Variants in BRCA2 observed in about 807,000 individuals in gnomAD.
The protein encoded by BRCA2 is BRCA2 DNA repair associated.
BRCA2 carries 203 observed loss-of-function variants against 276.7 expected under a neutral mutation model. The ratio of observed to expected loss-of-function variants is 0.73; its 90% CI spans 0.65 to 0.82. The LOEUF is 0.82. Ranked by LOEUF, BRCA2 falls within the 40% of genes least tolerant of loss-of-function variation. The pLI is 0.00. For synonymous variants in BRCA2, 1,289 were observed against 1,338.4 expected, an observed-to-expected ratio of 0.96 and a Z score of 0.81; for missense variants, 3,920 against 3,915.0, an observed-to-expected ratio of 1.00 and a Z score of -0.03.
At chr13:32,335,634 T>C (rs2137480294) in intron 10 of BRCA2, among the ~76,000 whole-genome samples, 1 of 152,332 alleles carries the variant, frequency 6.6e-6, no homozygotes, top group East Asian at 1.9e-4. Flanking sequence ...ATGAAATTTT[T>C]TCAATTTTAT....
intron 24 of BRCA2, among the ~76,000 whole-genome samples, chr13:32,381,923 T>G (rs966669983): frequency 6.6e-6 from 1 of 152,072 alleles, no homozygotes; most frequent in Non-Finnish European, 1.5e-5. Flanking sequence ...GTCTGAACAT[T>G]GGGAAAAATG....
rs765444423 is a variant in BRCA2, at chr13:32,338,515, T to TGGAAG, written c.4160_4161insGGAAG (p.Thr1388GlufsTer24). 6.2e-7 allele frequency: 1 copy of TGGAAG among 1,604,100 alleles called. No individual in the cohort carries two copies. Among genetic ancestry groups the TGGAAG allele is most frequent in the Admixed American group, 1.7e-5 (1 of 57,354 alleles). On this transcript the variant is annotated frameshift_variant, in exon 11 of 27. Coordinates refer to ENST00000380152, the MANE Select transcript of BRCA2 (RefSeq NM_000059.4). LOFTEE classifies it high-confidence loss of function. ...CAGATTAAAGAAGATTTGTCAGATTTAACTTTTTTGGAAGTTGCGAAAGCT... is the reference window on the plus strand; with the variant it reads ...CAGATTAAAGAAGATTTGTCAGATTTGGAAGAACTTTTTTGGAAGTTGCGAAAGCT...
Position 32,339,711 on chromosome 13 carries a change from A to G in BRCA2, c.5356A>G (p.Ser1786Gly), listed in dbSNP as rs2137516735. The change falls in exon 11 of 27, where the codon AGT becomes GGT. Residue 1786 changes from serine to glycine, a missense_variant. Ser to Gly is a moderately conservative substitution (Grantham distance 56). Coordinates refer to ENST00000380152, the MANE Select transcript of BRCA2 (RefSeq NM_000059.4). ...GAATGTTGAAGATCAAAAAAACACT[A>G]GTTTTTCCAAAGTAATATCCAATGT... The part of the protein sequence containing the change: ...LKNVEDQKNT[S>G]FSKVISNVKD... The G allele has an allele frequency of 6.2e-7, 1 of 1,613,318 alleles. No individual in the cohort carries two copies. Among genetic ancestry groups the G allele is most frequent in the Non-Finnish European group, 8.5e-7 (1 of 1,179,382 alleles).
Position 32,326,258 on chromosome 13 carries a change from G to T in BRCA2, c.492G>T (p.Leu164Phe). 6.2e-7 allele frequency: 1 copy of T among 1,613,454 alleles called. No homozygotes were observed. Among genetic ancestry groups the T allele is most frequent in the Non-Finnish European group, 8.5e-7 (1 of 1,179,534 alleles). The change falls in exon 6 of 27, where the codon TTG (leucine) becomes TTT (phenylalanine). Residue 164 changes from leucine to phenylalanine, a missense_variant. Physicochemically the swap from Leu to Phe is conservative, Grantham distance 22 (BLOSUM62 0). This residue lies in a region of BRCA2 where 3,263 missense variants were observed against 3,156.9 expected (regional missense o/e 1.03). Transcript: ENST00000380152. ...TACCCCCAGTGGTATGTGGGAGTTT[G>T]TTTCATACACCAAAGTTTGTGAAGG... is the stretch of plus-strand genomic sequence containing the variant. ...QRDKSVVCGS[L>F]FHTPKFVKGR...
intron 2 of BRCA2, among the ~76,000 whole-genome samples, chr13:32,317,801 AT>A (rs2072274471): frequency 6.6e-6 from 1 of 152,236 alleles, no homozygotes; most frequent in Non-Finnish European, 1.5e-5. Context: ...CACTTCATTG[AT>A]TTGTGAGAAA....
At chr13:32,343,745 T>G (rs905547307) in intron 11 of BRCA2, among the ~76,000 whole-genome samples, 1 of 152,162 alleles carries the variant, frequency 6.6e-6, no homozygotes, top group African/African-American at 2.4e-5. Context: ...GTAAATGCTT[T>G]CAACGGTGTT....
At chr13:32,316,191 CCTCTT>C (rs902614857) in intron 1 of BRCA2, among the ~76,000 whole-genome samples, 32 of 152,258 alleles carry the variant, frequency 2.1e-4, no homozygotes, top group African/African-American at 7.5e-4. Context: ...GTATGAAAAT[CCTCTT>C]CTCTAGTCGC....
Position 32,397,453 on chromosome 13 carries a change from A to G in BRCA2, c.9648+409A>G, listed in dbSNP as rs61066503. 2.6e-3 allele frequency among the ~76,000 whole-genome samples: 390 copies of G among 152,342 alleles called. 1 individual carries two copies. The highest frequency in any genetic ancestry group is 8.8e-3 in the African/African-American group (367 of 41,592). ...TAGCTAATACTTGCTAAGGGTATCT[A>G]TATTAACTCATTTAATCCTCATAAC... On this transcript the variant is annotated intron_variant, in intron 26 of 26. Coordinates refer to ENST00000380152, the MANE Select transcript of BRCA2 (RefSeq NM_000059.4).
In BRCA2 at chr13:32,339,707, C is replaced by A. The variant is rs1555284187; in HGVS notation, c.5352C>A (p.Asn1784Lys). ...PVLKNVEDQK[N>K]TSFSKVISNV... Reference sequence around the variant, plus strand: ...TGAAGAATGTTGAAGATCAAAAAAACACTAGTTTTTCCAAAGTAATATCCA... The same window carrying A: ...TGAAGAATGTTGAAGATCAAAAAAAAACTAGTTTTTCCAAAGTAATATCCA... Residue 1784 changes from asparagine (N) to lysine (K), a missense_variant, in exon 11 of 27, where the codon AAC becomes AAA. This residue lies in a region of BRCA2 where 3,263 missense variants were observed against 3,156.9 expected (regional missense o/e 1.03). Coordinates refer to ENST00000380152, the MANE Select transcript of BRCA2 (RefSeq NM_000059.4). The A allele has an allele frequency of 6.2e-7, 1 of 1,613,246 alleles. No homozygotes were observed.
chr13:32,376,535 A>G (rs1397770246), intron 20 of BRCA2, 135 bp from the exon 21 acceptor site: 7 of 1,015,968 alleles, frequency 6.9e-6, no homozygotes, highest in Non-Finnish European at 1.0e-5. Flanking sequence ...AAAAAAAAAA[A>G]GAAAAAACTT....
intron 12 of BRCA2, among the ~76,000 whole-genome samples, chr13:32,345,846 A>C (rs2072607654): frequency 6.6e-6 from 1 of 152,004 alleles, no homozygotes; most frequent in Non-Finnish European, 1.5e-5. Context: ...GGAATTTTCT[A>C]CTGGCCTCAT....
Position 32,398,619 on chromosome 13 carries a change from C to CT in BRCA2, c.10107dup (p.Arg3370Ter). 1.9e-6 allele frequency: 3 copies of CT among 1,614,058 alleles called. No individual in the cohort carries two copies. The highest frequency in any genetic ancestry group is 2.5e-6 in the Non-Finnish European group (3 of 1,179,912). On this transcript the variant is annotated frameshift_variant, in exon 27 of 27. Coordinates refer to ENST00000380152, the MANE Select transcript of BRCA2 (RefSeq NM_000059.4). LOFTEE classifies it low-confidence loss of function (END_TRUNC). ...CAATTTATATCTGTCAGTGAATCCACTAGGACTGCTCCCACCAGTTCAGAA... is the reference window on the plus strand; with the variant it reads ...CAATTTATATCTGTCAGTGAATCCACTTAGGACTGCTCCCACCAGTTCAGAA...
chr13:32,327,979 C>T (rs1056776980), intron 7 of BRCA2, among the ~76,000 whole-genome samples: 1 of 151,734 alleles, frequency 6.6e-6, no homozygotes, highest in African/African-American at 2.4e-5. Context: ...AGAGATGGGT[C>T]CCGCCATGTT....
chr13:32,339,661 A>T lies in BRCA2; in HGVS notation c.5306A>T (p.Asp1769Val), dbSNP rs777913727. ...DSGYLSKNKLDSGIEPVLKNV... is the reference protein window; with the variant it reads ...DSGYLSKNKLVSGIEPVLKNV... ...GGATATCTCTCAAAAAATAAACTTG[A>T]TTCTGGTATTGAGCCAGTATTGAAG... The change falls in exon 11 of 27, where the codon GAT becomes GTT. Residue 1769 changes from aspartate to valine, a missense_variant. Asp to Val is a radical substitution (Grantham distance 152). Around this residue, in one of 2 missense-constraint regions of BRCA2, gnomAD observed 3,263 missense variants for 3,156.9 expected, o/e 1.03. Coordinates refer to ENST00000380152, the MANE Select transcript of BRCA2 (RefSeq NM_000059.4). The T allele has an allele frequency of 3.1e-6, 5 of 1,612,562 alleles. No individual in the cohort carries two copies. The highest frequency in any genetic ancestry group is 2.2e-5 in the East Asian group (1 of 44,834).
intron 24 of BRCA2, 79 bp downstream of exon 24, chr13:32,380,224 G>A (rs2137626326): frequency 6.8e-7 from 1 of 1,465,276 alleles, no homozygotes; most frequent in Non-Finnish European, 9.2e-7. Context: ...TGATTAGTTG[G>A]AGCTACCAGT....
chr13:32,357,011 A>G (rs2072703082), intron 15 of BRCA2, among the ~76,000 whole-genome samples: 1 of 152,244 alleles, frequency 6.6e-6, no homozygotes, highest in African/African-American at 2.4e-5. Flanking sequence ...ATTTTAGGCA[A>G]TGGAGAGGTG....
At chr13:32,324,201 AG>A in intron 3 of BRCA2, among the ~76,000 whole-genome samples, 1 of 152,278 alleles carries the variant, frequency 6.6e-6, no homozygotes, top group East Asian at 1.9e-4. Context: ...GGGAACACAT[AG>A]GGGGGCAAAC....
rs2137526660 is a variant in BRCA2, at chr13:32,340,707, G to A, written c.6352G>A (p.Val2118Ile). Residue 2118 changes from valine (V) to isoleucine (I), a missense_variant, in exon 11 of 27, where the codon GTA (valine) becomes ATA (isoleucine). Physicochemically the swap from Val to Ile is conservative, Grantham distance 29. Transcript: ENST00000380152. ...RVDKRNPEHC[V>I]NSEMEKTCSK... Reference sequence around the variant, plus strand: ...TGATAAGAGAAACCCAGAGCACTGTGTAAACTCAGAAATGGAAAAAACCTG... The same window carrying A: ...TGATAAGAGAAACCCAGAGCACTGTATAAACTCAGAAATGGAAAAAACCTG... 6.2e-7 allele frequency: 1 copy of A among 1,608,770 alleles called. No homozygotes were observed. The highest frequency in any genetic ancestry group is 8.5e-7 in the Non-Finnish European group (1 of 1,178,836).
intron 24 of BRCA2, chr13:32,385,650 A>AT (rs1183174782): frequency 4.2e-6 from 1 of 238,944 alleles, no homozygotes. Context: ...GATCACCTGT[A>AT]TTTCATCTTC....
Sources: gnomAD v4.1 joint callset for allele counts (sites outside exome capture counted in the v4.1 genomes callset) on GRCh38, gnomAD v4.1.1 for gene constraint, gnomAD v4.1.1 regional missense constraint, MANE v1.5 for transcripts, NCBI Gene and HGNC (gene_info 2026-07-23, HGNC 2026-07-21) for gene names.